Variants in DYNLL1 observed in about 807,000 individuals in gnomAD.
DYNLL1 encodes dynein light chain 1, cytoplasmic.
In DYNLL1, 3 loss-of-function variants were observed where a neutral mutation model predicts 10.1. That is an observed-to-expected ratio of 0.30 (90% CI 0.14 to 0.77). The LOEUF is 0.77. Among genes scored for constraint, DYNLL1 ranks in the 30% least tolerant of loss-of-function variants. The pLI is 0.66. For synonymous variants in DYNLL1, 46 were observed against 41.2 expected (o/e 1.12, Z -0.45); for missense variants, 47 against 111.7 (o/e 0.42, Z 2.61).
At chr12:120,491,127 T>C (rs1879117011), upstream of DYNLL1, 1 of 152,530 alleles carries the variant, frequency 6.6e-6, no homozygotes, top group Admixed American at 6.5e-5. Flanking sequence ...TCTGTGTTGC[T>C]CTGCCCTCTG....
intron 1 of DYNLL1, among the ~76,000 whole-genome samples, chr12:120,484,254 T>G (rs1013608463): frequency 2.7e-5 from 4 of 148,826 alleles, no homozygotes; most frequent in Non-Finnish European, 5.9e-5. Context: ...TGAGAGGAGA[T>G]GGACCCAGTG....
chr12:120,498,129 T>C lies in DYNLL1; in HGVS notation c.189T>C (p.Gly63=), dbSNP rs1467248775. 3.7e-6 allele frequency: 6 copies of C among 1,614,092 alleles called. No homozygotes were observed. Among genetic ancestry groups the C allele is most frequent in the Non-Finnish European group, 5.1e-6 (6 of 1,180,038 alleles). The change falls in exon 3 of 3, where the codon GGT becomes GGC. Residue 63 remains glycine, a synonymous_variant. Coordinates refer to ENST00000242577, the MANE Select transcript of DYNLL1 (RefSeq NM_003746.3). ...ATTGCATCGTGGGGAGGAACTTCGG[T>C]AGTTATGTGACACATGAAACCAAAC... is the stretch of plus-strand genomic sequence containing the variant. ...TWHCIVGRNF[G]SYVTHETKHF... is the part of the protein sequence containing the mutation.
intron 1 of DYNLL1, among the ~76,000 whole-genome samples, chr12:120,479,460 A>AT (rs1565920891): frequency 1.4e-4 from 19 of 133,222 alleles, no homozygotes; most frequent in Middle Eastern, 3.7e-3. Flanking sequence ...AAAAAAAAAA[A>AT]AAAAAAAAAA....
chr12:120,487,315 C>T (rs1294052930), intron 1 of DYNLL1, among the ~76,000 whole-genome samples: 2 of 68,070 alleles, frequency 2.9e-5, no homozygotes, highest in African/African-American at 7.0e-5. Context: ...TTTTTTGAGA[C>T]GGACTCTTGC....
At chr12:120,472,350 T>C (rs549871789) in intron 1 of DYNLL1, among the ~76,000 whole-genome samples, 1 of 152,370 alleles carries the variant, frequency 6.6e-6, no homozygotes, top group East Asian at 1.9e-4. Context: ...ATAAAACCAT[T>C]ATAACTATCT....
At chr12:120,477,143 G>A (rs1319405470) in intron 1 of DYNLL1, among the ~76,000 whole-genome samples, 1 of 152,148 alleles carries the variant, frequency 6.6e-6, no homozygotes, top group East Asian at 1.9e-4. Context: ...TGGCCAGGCT[G>A]GTCTCGAACT....
chr12:120,482,326 AT>A (rs11352199), intron 1 of DYNLL1, among the ~76,000 whole-genome samples: 62,079 of 147,112 alleles, frequency 0.42, 12,996 homozygotes, highest in East Asian at 0.49. Flanking sequence ...TGCCAAAACA[AT>A]TTTTTTTTTT....
At chr12:120,473,067 C>T (rs563323333) in intron 1 of DYNLL1, among the ~76,000 whole-genome samples, 2 of 152,278 alleles carry the variant, frequency 1.3e-5, no homozygotes, top group East Asian at 1.9e-4. Context: ...TAATACAGCT[C>T]TGTCCTTGAG....
intron 1 of DYNLL1, among the ~76,000 whole-genome samples, chr12:120,475,127 AT>A (rs1439889955): frequency 2.6e-5 from 4 of 152,182 alleles, no homozygotes; most frequent in Non-Finnish European, 5.9e-5. Context: ...TGTGAATATA[AT>A]TCCCCTCTGG....
rs1361487097 is a variant in DYNLL1 at position 120,479,385 on chromosome 12, C to T, written c.-7+9281C>T. ...AGAGGAATCACTTGAACCCGGGAGG[C>T]GGAGGTTGTGGTCAGCTGAGATCAC... On this transcript the variant is annotated intron_variant, in intron 1 of 2. Coordinates refer to the DYNLL1 transcript ENST00000392509. Among the ~76,000 whole-genome samples the T allele has an allele frequency of 5.3e-5, 7 of 132,748 alleles. 1 individual carries two copies. The highest frequency in any genetic ancestry group is 2.2e-4 in the East Asian group (1 of 4,484). 87.1% of individuals were successfully genotyped at this position (132,748 alleles called of 152,430 possible). A position where few individuals can be genotyped will look rare whatever the true frequency, so the allele number is the denominator to read the frequency against.
chr12:120,496,741 G>GT (rs35017041), intron 2 of DYNLL1, 188 bp downstream of exon 2: 30,908 of 568,652 alleles, frequency 0.054, 3 homozygotes, highest in South Asian at 0.074. Context: ...GGCGTCCGAA[G>GT]TTTTTTTTTT....
At chr12:120,483,953 C>T (rs1303160509) in intron 1 of DYNLL1, among the ~76,000 whole-genome samples, 1 of 151,930 alleles carries the variant, frequency 6.6e-6, no homozygotes, top group African/African-American at 2.4e-5. Flanking sequence ...CCATGAAGGG[C>T]ACTGAGAATT....
intron 1 of DYNLL1, among the ~76,000 whole-genome samples, chr12:120,486,311 AG>A (rs1421055297): frequency 6.6e-6 from 1 of 152,158 alleles, no homozygotes. Context: ...GGCTCCTGGA[AG>A]AAACAGATTA....
At chr12:120,483,058 G>T (rs147111330) in intron 1 of DYNLL1, among the ~76,000 whole-genome samples, 9 of 151,996 alleles carry the variant, frequency 5.9e-5, no homozygotes, top group Admixed American at 2.0e-4. Flanking sequence ...GAAAAAAAAA[G>T]GCCAGGCACG....
chr12:120,482,159 C>T (rs534968708), intron 1 of DYNLL1, among the ~76,000 whole-genome samples: 1 of 152,312 alleles, frequency 6.6e-6, no homozygotes, highest in Admixed American at 6.5e-5. Flanking sequence ...GTGTTTTGCA[C>T]CTGTAGTCTC....
At chr12:120,483,332 T>C (rs1878925800) in intron 1 of DYNLL1, among the ~76,000 whole-genome samples, 2 of 148,680 alleles carry the variant, frequency 1.3e-5, no homozygotes, top group South Asian at 2.1e-4. Flanking sequence ...AGAGAAGCTC[T>C]GTATCAAAAA....
At chr12:120,476,002 C>A (rs1878744003) in intron 1 of DYNLL1, among the ~76,000 whole-genome samples, 1 of 152,224 alleles carries the variant, frequency 6.6e-6, no homozygotes, top group African/African-American at 2.4e-5. Context: ...TCCTTACCCT[C>A]AACCCAGAAC....
chr12:120,486,473 CTGTTTT>C (rs932542309), intron 1 of DYNLL1, among the ~76,000 whole-genome samples: 2 of 151,908 alleles, frequency 1.3e-5, no homozygotes, highest in African/African-American at 4.8e-5. Context: ...ACAGATGTTT[CTGTTTT>C]TGTTTTTGAG....
chr12:120,494,584 T>C (rs1420800181), upstream of DYNLL1, among the ~76,000 whole-genome samples: 1 of 152,136 alleles, frequency 6.6e-6, no homozygotes, highest in Non-Finnish European at 1.5e-5. Flanking sequence ...CCTATTCCCA[T>C]CTTTTTCTTT....
Sources: allele counts gnomAD v4.1 joint callset (sites outside exome capture counted in the v4.1 genomes callset), GRCh38; gene constraint gnomAD v4.1.1; transcripts MANE v1.5; gene names NCBI Gene and HGNC (gene_info 2026-07-23, HGNC 2026-07-21).